The following SNX25 variants were observed in gnomAD, a reference collection of about 807,000 sequenced individuals.
The protein encoded by SNX25 is sorting nexin 25.
A neutral mutation model predicts 113.7 loss-of-function variants in SNX25; 62 were observed. The ratio of observed to expected loss-of-function variants is 0.55; its 90% confidence interval spans 0.44 to 0.67. SNX25 has a LOEUF of 0.67. Ranked by LOEUF, SNX25 falls within the 30% of genes least tolerant of loss-of-function variation. The pLI is 0.00. For missense variants in SNX25, 1,014 were observed against 1,161.0 expected, an observed-to-expected ratio of 0.87 and a Z score of 1.84; for synonymous variants, 421 against 436.2, an observed-to-expected ratio of 0.97 and a Z score of 0.43.
intron 6 of SNX25, among the ~76,000 whole-genome samples, chr4:185,288,698 T>G (rs1751721329): frequency 6.6e-6 from 1 of 152,144 alleles, no homozygotes; most frequent in Non-Finnish European, 1.5e-5. Context: ...TTCCCAGGCA[T>G]GATACCAAAG....
At chr4:185,339,577 C>T (rs535350623) in intron 11 of SNX25, 67 bp downstream of exon 11, 216 of 1,548,812 alleles carry the variant, frequency 1.4e-4, no homozygotes, top group Non-Finnish European at 1.8e-4. Flanking sequence ...AGATTTTATC[C>T]TGAAGAATGA....
chr4:185,212,491 G>GTGTGTGTTTTTGTTTTTTTTT (rs546083196), intron 1 of SNX25, among the ~76,000 whole-genome samples: 2 of 104,944 alleles, frequency 1.9e-5, no homozygotes, highest in Admixed American at 1.1e-4. Flanking sequence ...GTGTGTGTGT[G>GTGTGTGTTTTTGTTTTTTTTT]TTTTTTTTTT....
At position 185,347,527 on chromosome 4, in the gene SNX25, A is replaced by G. The variant is rs2095293606; in HGVS notation, c.2301+877A>G. Among the ~76,000 whole-genome samples, 3 of 151,738 alleles carry G rather than the reference A, an allele frequency of 2.0e-5. No homozygotes were observed. The South Asian group carries it at 6.3e-4, about 32-fold the overall frequency. ...CTCTTGTTGCCCAGGCTGGAGTGCA[A>G]TGGCGCGATCTTGGCTCACCGTAAC... On this transcript the variant is annotated intron_variant, in intron 13 of 18. Coordinates refer to ENST00000652585, the MANE Select transcript of SNX25 (RefSeq NM_001378034.2).
At chr4:185,333,469 T>C (rs140980128) in intron 10 of SNX25, among the ~76,000 whole-genome samples, 51 of 152,332 alleles carry the variant, frequency 3.3e-4, no homozygotes, top group African/African-American at 1.2e-3. Flanking sequence ...TTGAGTCTTC[T>C]TTAGTATTCT....
In SNX25 at chr4:185,310,732, G is replaced by A. The variant is rs781264500; in HGVS notation, c.1260G>A (p.Lys420=). 6.2e-7 allele frequency: 1 copy of A among 1,614,078 alleles called. No homozygotes were observed. Among genetic ancestry groups the A allele is most frequent in the Non-Finnish European group, 8.5e-7 (1 of 1,179,972 alleles). The part of the protein sequence containing the change: ...QLTVAKKQCE[K]RIRILGGPAY... ...CTGTGGCAAAGAAGCAGTGTGAGAA[G>A]AGAATCCGAATCCTGGGAGGCCCTG... is the stretch of plus-strand genomic sequence containing the variant. Residue 420 remains lysine (K), a synonymous_variant, in exon 7 of 19, where the codon AAG becomes AAA. Coordinates refer to ENST00000652585, the MANE Select transcript of SNX25 (RefSeq NM_001378034.2).
intron 6 of SNX25, among the ~76,000 whole-genome samples, chr4:185,309,885 T>G (rs149024852): frequency 1.5e-4 from 23 of 152,370 alleles, no homozygotes; most frequent in Non-Finnish European, 2.6e-4. Context: ...CTAGAGCCTT[T>G]CTCTGGCCTG....
rs1228177028 is a variant in SNX25, at chr4:185,347,448, T to TTTTTG, written c.2301+803_2301+807dup. ...TTGTGTTTGGGGGGTTTGGTGTTTT[T>TTTTTG]TTTTGTTTTCTTTTGTTTTGTTTTG... On this transcript the variant is annotated intron_variant, in intron 13 of 18. Coordinates refer to ENST00000652585, the MANE Select transcript of SNX25 (RefSeq NM_001378034.2). 8.5e-4 allele frequency among the ~76,000 whole-genome samples: 129 copies of TTTTTG among 151,716 alleles called. 1 individual carries two copies. The highest frequency in any genetic ancestry group is 2.8e-3 in the African/African-American group (114 of 41,242).
downstream of SNX25, chr4:185,371,018 GT>G (rs2095412990): frequency 7.8e-6 from 4 of 511,016 alleles, no homozygotes; most frequent in African/African-American, 7.6e-5. Flanking sequence ...GACTTCACAT[GT>G]CTCTGTAATT....
At chr4:185,319,939 C>T (rs970999874) in intron 7 of SNX25, among the ~76,000 whole-genome samples, 1 of 152,134 alleles carries the variant, frequency 6.6e-6, no homozygotes, top group Non-Finnish European at 1.5e-5. Context: ...CCATCTCATG[C>T]CAGTCAGAAT....
Position 185,342,093 on chromosome 4 carries a change from A to G in SNX25, c.2164A>G (p.Asn722Asp). The G allele has an allele frequency of 6.2e-7, 1 of 1,603,006 alleles. No individual in the cohort carries two copies. Among genetic ancestry groups the G allele is most frequent in the East Asian group, 2.3e-5 (1 of 44,322 alleles). Residue 722 changes from asparagine (N) to aspartate (D), a missense_variant, in exon 12 of 19, where the codon AAT becomes GAT. Physicochemically the swap from Asn to Asp is conservative, Grantham distance 23. Coordinates refer to ENST00000652585, the MANE Select transcript of SNX25 (RefSeq NM_001378034.2). ...CCCCAGAAGGCTCAGCGAGTTTCAG[A>G]ATTTACACCGGAAACTCAGTGAGGT... ...TVPRRLSEFQ[N>D]LHRKLSECVP...
chr4:185,376,878 G>T, the SNX25 span: 1 of 1,490,978 alleles, frequency 6.7e-7, no homozygotes, highest in Non-Finnish European at 9.3e-7. Context: ...AGAATTACAG[G>T]AAATGAAAAC....
chr4:185,273,173 A>T (rs139036779), intron 5 of SNX25, among the ~76,000 whole-genome samples: 43 of 152,042 alleles, frequency 2.8e-4, no homozygotes, highest in East Asian at 2.5e-3. Context: ...GTTACCAAAA[A>T]CCTCCCAAAT....
At chr4:185,292,439 C>T (rs1449255837) in intron 6 of SNX25, among the ~76,000 whole-genome samples, 1 of 152,134 alleles carries the variant, frequency 6.6e-6, no homozygotes, top group Non-Finnish European at 1.5e-5. Flanking sequence ...GCTCTTGTCA[C>T]CCGGGCTGGA....
At chr4:185,266,389 C>G (rs955976666) in intron 4 of SNX25, among the ~76,000 whole-genome samples, 3 of 152,136 alleles carry the variant, frequency 2.0e-5, no homozygotes, top group Non-Finnish European at 4.4e-5. Context: ...GAGATGGAGT[C>G]TCACTCTGTC....
chr4:185,303,669 A>C (rs547111111), intron 6 of SNX25, among the ~76,000 whole-genome samples: 18 of 151,344 alleles, frequency 1.2e-4, no homozygotes, highest in African/African-American at 4.4e-4. Flanking sequence ...AAAAAAAAAA[A>C]AAAAAAAAAA....
intron 1 of SNX25, among the ~76,000 whole-genome samples, chr4:185,246,971 C>A (rs950690630): frequency 6.6e-6 from 1 of 152,126 alleles, no homozygotes; most frequent in Non-Finnish European, 1.5e-5. Flanking sequence ...TCATTAATTT[C>A]AAATTCTTCT....
chr4:185,253,123 A>G (rs1026156510), intron 2 of SNX25, among the ~76,000 whole-genome samples: 2 of 152,198 alleles, frequency 1.3e-5, no homozygotes, highest in Non-Finnish European at 2.9e-5. Flanking sequence ...CAATAGATCT[A>G]TTGCCTAATT....
At chr4:185,245,126 A>G (rs1026876628) in intron 1 of SNX25, among the ~76,000 whole-genome samples, 7 of 151,808 alleles carry the variant, frequency 4.6e-5, no homozygotes, top group African/African-American at 1.5e-4. Context: ...AGAACTTGTA[A>G]TATTTCTCAC....
At chr4:185,281,715 A>T (rs1381321505) in intron 5 of SNX25, among the ~76,000 whole-genome samples, 5 of 152,200 alleles carry the variant, frequency 3.3e-5, no homozygotes, top group Non-Finnish European at 2.9e-5. Flanking sequence ...CTCTGAAAAC[A>T]TTCTTATAAA....
Sources: gnomAD v4.1 joint callset for allele counts (sites outside exome capture counted in the v4.1 genomes callset) on GRCh38, gnomAD v4.1.1 for gene constraint, MANE v1.5 for transcripts, NCBI Gene and HGNC (gene_info 2026-07-23, HGNC 2026-07-21) for gene names.